ARHGEF11: variants seen among roughly 807,000 people sequenced by gnomAD.
ARHGEF11 encodes Rho guanine nucleotide exchange factor 11.
A neutral mutation model predicts 193.7 loss-of-function variants in ARHGEF11; 55 were observed. The ratio of observed to expected loss-of-function variants is 0.28; its 90% CI spans 0.23 to 0.36. The LOEUF is 0.36. Ranked by LOEUF, ARHGEF11 falls within the 10% of genes least tolerant of loss-of-function variation. The pLI, the probability that ARHGEF11 is intolerant of heterozygous loss-of-function variation, is 1.00. For missense variants in ARHGEF11, 1,723 were observed against 2,005.6 expected (o/e 0.86, Z 2.69); for synonymous variants, 693 against 768.0 (o/e 0.90, Z 1.62).
chr1:157,021,821 T>C (rs568150554), intron 1 of ARHGEF11, among the ~76,000 whole-genome samples: 28 of 152,324 alleles, frequency 1.8e-4, no homozygotes, highest in Admixed American at 5.2e-4. Flanking sequence ...GCAAATTGAA[T>C]CCAGCAATAT....
At chr1:156,981,712 C>G (rs575617771) in intron 3 of ARHGEF11, among the ~76,000 whole-genome samples, 3 of 152,122 alleles carry the variant, frequency 2.0e-5, no homozygotes, top group African/African-American at 7.2e-5. Flanking sequence ...TGAGCTCAGG[C>G]AATCCTCCTG....
chr1:156,948,726 C>T lies in ARHGEF11; in HGVS notation c.1926-228G>A. 1 of 1,494,958 alleles carries T rather than the reference C, an allele frequency of 6.7e-7. No homozygotes were observed. The highest frequency in any genetic ancestry group is 8.9e-7 in the Non-Finnish European group (1 of 1,123,518). The allele number at this position is 1,494,958 out of a possible 1,614,324, so 92.6% of individuals were successfully genotyped here. On this transcript the variant is annotated intron_variant, in intron 22 of 40. Coordinates refer to ENST00000368194, the MANE Select transcript of ARHGEF11 (RefSeq NM_198236.3). This position sits in a 1 kb window ranked among gnomAD's most constrained non-coding sequence, Gnocchi z 4.2. ...TCCCCAGCCTAGCCTGATGGATGGA[C>T]AGTCATCTTCCTCTGGAGCTATTAG...
intron 40 of ARHGEF11, among the ~76,000 whole-genome samples, chr1:156,936,496 AAATATATATATATATATAT>A (rs2101716946): frequency 1.3e-5 from 1 of 77,738 alleles, no homozygotes; most frequent in Admixed American, 1.6e-4. Flanking sequence ...AAAAAAAAAA[AAATATATATATATATATAT>A]ATATATATAT....
At chr1:156,949,054 G>A (rs1272500820) in intron 22 of ARHGEF11, 5 of 985,344 alleles carry the variant, frequency 5.1e-6, no homozygotes, top group African/African-American at 1.7e-5. Context: ...CTGTCAGAAA[G>A]TTCTATCTGC....
intron 15 of ARHGEF11, among the ~76,000 whole-genome samples, chr1:156,960,213 C>T (rs1660628163): frequency 6.6e-6 from 1 of 152,232 alleles, no homozygotes; most frequent in Middle Eastern, 3.4e-3. Flanking sequence ...GCAGAGTGAG[C>T]GCCTAGGCAG....
In ARHGEF11 at chr1:156,947,912, A is replaced by C; in HGVS notation, c.2198T>G (p.Leu733Arg). ...PSLGFCTDTL[L>R]PHLLEDDLGQ... ...CAGATCATCCTCTAGGAGGTGGGGA[A>C]GGAGGGTATCTGTGCAGAACCCCAA... Residue 733 changes from leucine (L) to arginine (R), a missense_variant, in exon 25 of 41, where the codon CTT becomes CGT. Physicochemically the swap from Leu to Arg is moderately radical, Grantham distance 102 (BLOSUM62 -2). This residue lies in a region of ARHGEF11 where 491 missense variants were observed against 654.5 expected (regional missense o/e 0.75). Transcript: ENST00000368194. 6.2e-7 allele frequency: 1 copy of C among 1,614,078 alleles called. No homozygotes were observed. The highest frequency in any genetic ancestry group is 8.5e-7 in the Non-Finnish European group (1 of 1,179,996).
At chr1:156,964,780 C>T (rs531539023) in intron 11 of ARHGEF11, among the ~76,000 whole-genome samples, 1 of 152,274 alleles carries the variant, frequency 6.6e-6, no homozygotes, top group African/African-American at 2.4e-5. Context: ...TGAGTATCCT[C>T]CTCTCCGAAA....
At chr1:157,021,920 A>G (rs182493903) in intron 1 of ARHGEF11, among the ~76,000 whole-genome samples, 10 of 152,360 alleles carry the variant, frequency 6.6e-5, no homozygotes, top group Admixed American at 2.0e-4. Context: ...TGTGTAACAT[A>G]CTATATTAAG....
Position 156,984,349 on chromosome 1 carries a change from A to T in ARHGEF11, c.213T>A (p.Ser71=), listed in dbSNP as rs746770342. The change falls in exon 3 of 41, where the codon TCT becomes TCA. Residue 71 remains serine, a synonymous_variant. Transcript: ENST00000368194. The part of the protein sequence containing the change: ...VSGDRIVLVQ[S]VRPGGAAMKA... ...GGATGCAGCACTCACCAGGCCGCAC[A>T]GACTGCACCAGAACAATGCGATCCC... 6.3e-7 allele frequency: 1 copy of T among 1,588,616 alleles called. No individual in the cohort carries two copies. The highest frequency in any genetic ancestry group is 8.6e-7 in the Non-Finnish European group (1 of 1,166,928).
chr1:157,044,531 CCT>C lies in ARHGEF11; in HGVS notation c.-203_-202del. On this transcript the variant is annotated 5_prime_UTR_variant, in exon 1 of 41. Transcript: ENST00000368194. The stretch of plus-strand genomic sequence containing the variant: ...GTGAACATGATTTCCTTTCTCAGCC[CCT>C]CTTCCCCTCCCCCGCTTTAAAAAAA... 2.2e-6 allele frequency: 1 copy of C among 461,970 alleles called. No homozygotes were observed. 28.6% of individuals were successfully genotyped at this position (461,970 alleles called of 1,614,324 possible).
intron 28 of ARHGEF11, 151 bp downstream of exon 28, chr1:156,946,511 A>G: frequency 1.7e-6 from 2 of 1,166,716 alleles, no homozygotes; most frequent in African/African-American, 1.5e-5. Context: ...CTCTTTGTCT[A>G]GAGTGAGTCA....
At chr1:157,036,845 G>A (rs1672106445) in intron 1 of ARHGEF11, among the ~76,000 whole-genome samples, 1 of 152,138 alleles carries the variant, frequency 6.6e-6, no homozygotes, top group African/African-American at 2.4e-5. Context: ...TTGATTCAGG[G>A]CAGTGCACGG....
chr1:157,015,167 G>T (rs976535132), intron 1 of ARHGEF11, among the ~76,000 whole-genome samples: 10 of 152,132 alleles, frequency 6.6e-5, no homozygotes, highest in African/African-American at 2.4e-4. Flanking sequence ...GATACAAATT[G>T]TCTATGCTTC....
intron 1 of ARHGEF11, among the ~76,000 whole-genome samples, chr1:157,004,222 A>G (rs1359693149): frequency 6.6e-6 from 1 of 152,208 alleles, no homozygotes; most frequent in Non-Finnish European, 1.5e-5. Context: ...ATTTCAGAGC[A>G]TACAACCTCT....
chr1:156,936,196 G>T, intron 40 of ARHGEF11, 138 bp from the exon 41 acceptor site: 1 of 950,318 alleles, frequency 1.1e-6, no homozygotes, highest in Non-Finnish European at 1.7e-6. Flanking sequence ...GTTTCTCGTA[G>T]GGCTTGAAAA....
chr1:157,036,400 CA>C (rs1021383740), intron 1 of ARHGEF11, among the ~76,000 whole-genome samples: 3 of 151,916 alleles, frequency 2.0e-5, no homozygotes, highest in Non-Finnish European at 2.9e-5. Context: ...CAGCTCCCTG[CA>C]ACCTCTGTCT....
At chr1:156,963,842 G>T in intron 11 of ARHGEF11, 1 of 1,181,154 alleles carries the variant, frequency 8.5e-7, no homozygotes, top group Non-Finnish European at 1.1e-6. Flanking sequence ...ATATGAAGAT[G>T]GGAAGTAGGA....
intron 9 of ARHGEF11, among the ~76,000 whole-genome samples, chr1:156,969,590 G>A (rs945464696): frequency 1.3e-5 from 2 of 152,144 alleles, no homozygotes; most frequent in African/African-American, 4.8e-5. Context: ...CTGGGCACAG[G>A]CCATGTCACC....
Position 156,935,863 on chromosome 1 carries a change from G to A in ARHGEF11, c.*137C>T. Reference sequence around the variant, plus strand: ...AAGCAACATGCGGGTCTCCCCCCGGGCCTTGGCTGGATCCTAGTTTCCCTA... The same window carrying A: ...AAGCAACATGCGGGTCTCCCCCCGGACCTTGGCTGGATCCTAGTTTCCCTA... On this transcript the variant is annotated 3_prime_UTR_variant, in exon 41 of 41. Coordinates refer to ENST00000368194, the MANE Select transcript of ARHGEF11 (RefSeq NM_198236.3). The A allele has an allele frequency of 1.0e-6, 1 of 990,328 alleles. No homozygotes were observed. Among genetic ancestry groups the A allele is most frequent in the Non-Finnish European group, 1.5e-6 (1 of 679,110 alleles). 61.3% of individuals were successfully genotyped at this position (990,328 alleles called of 1,614,324 possible).
Sources: allele counts gnomAD v4.1 joint callset (sites outside exome capture counted in the v4.1 genomes callset), GRCh38; gene constraint gnomAD v4.1.1; regional missense constraint gnomAD v4.1.1; non-coding constraint Gnocchi (gnomAD v3.1); transcripts MANE v1.5; gene names NCBI Gene and HGNC (gene_info 2026-07-23, HGNC 2026-07-21).